The following SEC31B variants were observed in gnomAD, a reference collection of about 807,000 sequenced individuals.
The protein encoded by SEC31B is protein transport protein Sec31B.
Under a neutral mutation model 135.0 loss-of-function variants are expected in SEC31B, and 113 were observed. That is an observed-to-expected ratio of 0.84 (90% CI 0.72 to 0.98). SEC31B has a LOEUF of 0.98. Ranked by LOEUF, SEC31B falls within the 50% of genes least tolerant of loss-of-function variation. The pLI is 0.00. For missense variants in SEC31B, 1,296 were observed against 1,421.1 expected (o/e 0.91, Z 1.42); for synonymous variants, 508 against 549.4 (o/e 0.92, Z 1.05).
At chr10:100,508,433 GATGC>G in intron 5 of SEC31B, 1 of 479,842 alleles carries the variant, frequency 2.1e-6, no homozygotes, top group Non-Finnish European at 4.1e-6. Context: ...AAAACCACAA[GATGC>G]TATCAAATTG....
intron 25 of SEC31B, 40 bp from the exon 26 acceptor site, chr10:100,487,835 AGC>A: frequency 6.2e-7 from 1 of 1,608,988 alleles, no homozygotes; most frequent in South Asian, 1.1e-5. Context: ...AGCCCAACCC[AGC>A]TCCTACCCTG....
chr10:100,513,065 T>C (rs1201328366), intron 3 of SEC31B, among the ~76,000 whole-genome samples: 1 of 152,240 alleles, frequency 6.6e-6, no homozygotes, highest in East Asian at 1.9e-4. Context: ...GTCAATAGTT[T>C]ATGATACTGA....
At chr10:100,488,197 C>A in intron 24 of SEC31B, 99 bp from the exon 25 acceptor site, 1 of 1,087,932 alleles carries the variant, frequency 9.2e-7, no homozygotes, top group Admixed American at 1.9e-5. Context: ...TGGTGGCTCA[C>A]GCCTGTAATC....
chr10:100,519,564 G>C (rs1176555533), intron 1 of SEC31B, among the ~76,000 whole-genome samples: 2 of 152,260 alleles, frequency 1.3e-5, no homozygotes, highest in African/African-American at 2.4e-5. Context: ...TCATCCGGCT[G>C]GGGGTTCCCG....
rs149158373 is a variant in SEC31B at position 100,493,201 on chromosome 10, A to G, written c.2472+2184T>C. On this transcript the variant is annotated intron_variant, in intron 19 of 25. Coordinates refer to ENST00000370345, the MANE Select transcript of SEC31B (RefSeq NM_015490.4). ...ATCCTGGCTAACATGGTGAAACCCC[A>G]TCTCCACTAAAAATACAAAAAATTA... is the stretch of plus-strand genomic sequence containing the variant. 3.3e-3 allele frequency among the ~76,000 whole-genome samples: 495 copies of G among 152,128 alleles called. 17 individuals are homozygous for G. The East Asian group carries it at 0.06, about 18-fold the overall frequency.
Position 100,506,393 on chromosome 10 carries a change from C to G in SEC31B, c.810G>C (p.Gln270His). 1 of 1,614,162 alleles carries G rather than the reference C, an allele frequency of 6.2e-7. No homozygotes were observed. Among genetic ancestry groups the G allele is most frequent in the Non-Finnish European group, 8.5e-7 (1 of 1,180,030 alleles). The change falls in exon 8 of 26, where the codon CAG (glutamine) becomes CAC (histidine). Residue 270 changes from glutamine (Q) to histidine (H), a missense_variant. Physicochemically the swap from Gln to His is conservative, Grantham distance 24. Coordinates refer to ENST00000370345, the MANE Select transcript of SEC31B (RefSeq NM_015490.4). ...TAGTGAGCAGCAGCTCAGCATCAGC[C>G]TGGCTCCATGACACTGACAAGATCC... ...SRGILSVSWS[Q>H]ADAELLLTSA...
intron 3 of SEC31B, among the ~76,000 whole-genome samples, chr10:100,510,585 T>A (rs556091038): frequency 6.6e-6 from 1 of 152,302 alleles, no homozygotes; most frequent in African/African-American, 2.4e-5. Context: ...CCACAGCCCT[T>A]TGGAGAAGCC....
intron 19 of SEC31B, 77 bp downstream of exon 19, chr10:100,495,308 A>T (rs1019943862): frequency 3.8e-6 from 5 of 1,330,812 alleles, no homozygotes; most frequent in Non-Finnish European, 5.3e-6. Flanking sequence ...TTTTGTTCAC[A>T]ATATATTCCA....
At chr10:100,509,573 G>T in intron 3 of SEC31B, 62 bp from the exon 4 acceptor site, 1 of 1,355,250 alleles carries the variant, frequency 7.4e-7, no homozygotes, top group Non-Finnish European at 1.0e-6. Flanking sequence ...GCACAGGATG[G>T]GCATCTCTGT....
chr10:100,498,629 A>C (rs1701708193), intron 14 of SEC31B, 76 bp downstream of exon 14: 2 of 1,026,542 alleles, frequency 1.9e-6, no homozygotes, highest in African/African-American at 3.2e-5. Context: ...ACAAGAAGGG[A>C]ATGTCTCAAG....
chr10:100,518,907 C>G (rs1423899019), intron 1 of SEC31B, among the ~76,000 whole-genome samples: 4 of 152,248 alleles, frequency 2.6e-5, no homozygotes, highest in African/African-American at 9.6e-5. Context: ...GCTCAACACT[C>G]TACTATACAG....
intron 23 of SEC31B, 37 bp downstream of exon 23, chr10:100,489,215 G>C (rs751679968): frequency 1.3e-6 from 2 of 1,570,844 alleles, no homozygotes; most frequent in African/African-American, 2.7e-5. Context: ...AGGGCTGGAA[G>C]GTTTCCCAAG....
chr10:100,502,584 G>T, intron 10 of SEC31B, 100 bp from the exon 11 acceptor site: 2 of 716,486 alleles, frequency 2.8e-6, no homozygotes, highest in Non-Finnish European at 4.6e-6. Context: ...CTGACCCTAG[G>T]CTAGGAAATA....
chr10:100,502,800 C>T (rs754972344), intron 10 of SEC31B, among the ~76,000 whole-genome samples: 1 of 152,160 alleles, frequency 6.6e-6, no homozygotes, highest in Non-Finnish European at 1.5e-5. Flanking sequence ...AGTCTTCATA[C>T]CCCCTATAGC....
chr10:100,502,693 C>T (rs1851546794), intron 10 of SEC31B, among the ~76,000 whole-genome samples: 2 of 152,136 alleles, frequency 1.3e-5, no homozygotes, highest in Non-Finnish European at 2.9e-5. Context: ...TAGGACCACC[C>T]ACTTCAAACT....
Position 100,498,162 on chromosome 10 carries a change from C to A in SEC31B, c.1730G>T (p.Gly577Val). The A allele has an allele frequency of 6.2e-7, 1 of 1,614,182 alleles. No individual in the cohort carries two copies. Among genetic ancestry groups the A allele is most frequent in the Non-Finnish European group, 8.5e-7 (1 of 1,180,030 alleles). Residue 577 changes from glycine (G) to valine (V), a missense_variant, in exon 15 of 26, where the codon GGT becomes GTT. Coordinates refer to ENST00000370345, the MANE Select transcript of SEC31B (RefSeq NM_015490.4). ...CTTCAGACACAGCTCCACGGCCGGACCCAGTTCCCCAAGCAGGAGAGCCTG... is the reference window on the plus strand; with the variant it reads ...CTTCAGACACAGCTCCACGGCCGGAACCAGTTCCCCAAGCAGGAGAGCCTG... The part of the protein sequence containing the change: ...LSQALLLGEL[G>V]PAVELCLKEE...
intron 11 of SEC31B, 86 bp downstream of exon 11, chr10:100,502,168 G>T: frequency 2.0e-6 from 2 of 1,004,346 alleles, no homozygotes; most frequent in Non-Finnish European, 3.1e-6. Flanking sequence ...GTCCCAGTGT[G>T]CTTGTGCTTC....
chr10:100,496,625 T>C (rs1208651288), intron 17 of SEC31B, among the ~76,000 whole-genome samples, 194 bp from the exon 18 acceptor site: 1 of 152,192 alleles, frequency 6.6e-6, no homozygotes, highest in Non-Finnish European at 1.5e-5. Context: ...TCCCAAGCTG[T>C]TAGGATTGGA....
Position 100,489,250 on chromosome 10 carries a change from A to T in SEC31B, c.3171+2T>A, listed in dbSNP as rs1325981600. ...GGGAGGGGAATACATTGTCCTTGTC[A>T]CCTGCAGGCTGAGTTCTCCTGGAAC... is the stretch of plus-strand genomic sequence containing the variant. On this transcript the variant is annotated splice_donor_variant, in intron 23 of 25. Transcript: ENST00000370345. LOFTEE classifies it high-confidence loss of function. 3 of 1,605,540 alleles carry T rather than the reference A, an allele frequency of 1.9e-6. No homozygotes were observed. The highest frequency in any genetic ancestry group is 2.2e-5 in the South Asian group (2 of 89,628).
Sources: allele counts gnomAD v4.1 joint callset (sites outside exome capture counted in the v4.1 genomes callset), GRCh38; gene constraint gnomAD v4.1.1; transcripts MANE v1.5; gene names NCBI Gene and HGNC (gene_info 2026-07-23, HGNC 2026-07-21).